The following FAT3 variants were observed in gnomAD, a reference collection of about 807,000 sequenced individuals.
FAT3 encodes the protein protocadherin Fat 3.
A neutral mutation model predicts 310.2 loss-of-function variants in FAT3; 95 were observed. The ratio of observed to expected loss-of-function variants is 0.31; its 90% confidence interval spans 0.26 to 0.36. The LOEUF is 0.36. FAT3 is among the 10% of genes least tolerant of loss of function. The pLI, the probability that FAT3 is intolerant of heterozygous loss-of-function variation, is 1.00. For synonymous variants in FAT3, 2,314 were observed against 2,192.9 expected, an observed-to-expected ratio of 1.06 and a Z score of -1.54; for missense variants, 5,408 against 5,715.6, an observed-to-expected ratio of 0.95 and a Z score of 1.74.
rs1160175911 is a variant in FAT3, at chr11:92,883,384, G to A, written c.12928G>A (p.Gly4310Arg). Residue 4310 changes from glycine to arginine, a missense_variant, in exon 24 of 28, where the codon GGA (glycine) becomes AGA (arginine). Around this residue, in one of 5 missense-constraint regions of FAT3, gnomAD observed 649 missense variants for 666.2 expected, o/e 0.97. Coordinates refer to ENST00000525166, the MANE Select transcript of FAT3 (RefSeq NM_001367949.2). The surrounding 1 kb of genome is among the most constrained non-coding windows in gnomAD (Gnocchi z 4.2). Reference sequence around the variant, plus strand: ...CATCCGGAAGAATGGCTGGGACGCGGGAACTGAGAGTGAGTAGGAAGTGGT... The same window carrying A: ...CATCCGGAAGAATGGCTGGGACGCGAGAACTGAGAGTGAGTAGGAAGTGGT... Reference protein sequence around the residue: ...DSIRKNGWDAGTENKGVDDPG... With the variant: ...DSIRKNGWDARTENKGVDDPG... 1 of 1,600,534 alleles carries A rather than the reference G, an allele frequency of 6.2e-7. No individual in the cohort carries two copies.
At position 92,800,447 on chromosome 11, in the gene FAT3, C is replaced by T; in HGVS notation, c.7434C>T (p.Ser2478=). The change falls in exon 10 of 28, where the codon AGC becomes AGT. Residue 2478 remains serine, a synonymous_variant. Transcript: ENST00000525166. ...NVSVSDGLFT[S]TAQVHIRVLG... Reference sequence around the variant, plus strand: ...CTGTCTCTGATGGGTTGTTCACCAGCACTGCACAGGTGCATATTAGGGTAC... The same window carrying T: ...CTGTCTCTGATGGGTTGTTCACCAGTACTGCACAGGTGCATATTAGGGTAC... The T allele has an allele frequency of 6.2e-7, 1 of 1,614,014 alleles. No homozygotes were observed. Among genetic ancestry groups the T allele is most frequent in the Non-Finnish European group, 8.5e-7 (1 of 1,179,880 alleles).
In FAT3 at chr11:92,806,436, T is replaced by C; in HGVS notation, c.9168T>C (p.Ala3056=). The change falls in exon 12 of 28, where the codon GCT becomes GCC. Residue 3056 remains alanine (A), a synonymous_variant. Coordinates refer to ENST00000525166, the MANE Select transcript of FAT3 (RefSeq NM_001367949.2). ...KIILKVSAKD[A]DIGSNGYIRY... is the part of the protein sequence containing the mutation. ...TCCTGAAAGTCAGTGCAAAGGATGC[T>C]GATATTGGATCCAATGGATATATAC... 6.3e-7 allele frequency: 1 copy of C among 1,584,988 alleles called. No homozygotes were observed. The highest frequency in any genetic ancestry group is 8.6e-7 in the Non-Finnish European group (1 of 1,163,812).
At chr11:92,301,555 G>A (rs1181935408) in intron 1 of FAT3, among the ~76,000 whole-genome samples, 1 of 152,102 alleles carries the variant, frequency 6.6e-6, no homozygotes, top group Non-Finnish European at 1.5e-5. Flanking sequence ...GTTGTCTGGG[G>A]AATGGCAAAT....
intron 2 of FAT3, among the ~76,000 whole-genome samples, chr11:92,465,118 G>A (rs561035732): frequency 8.5e-5 from 13 of 152,100 alleles, no homozygotes; most frequent in Non-Finnish European, 1.8e-4. Context: ...ATTTGCAGCC[G>A]GGGTACAATA....
chr11:92,581,407 A>G (rs890898639), intron 3 of FAT3, among the ~76,000 whole-genome samples: 5 of 151,448 alleles, frequency 3.3e-5, no homozygotes, highest in African/African-American at 1.2e-4. Context: ...TTTTGCTTAC[A>G]CTGGGGTGGT....
chr11:92,498,313 C>A (rs1952827125), intron 2 of FAT3: 1 of 239,090 alleles, frequency 4.2e-6, no homozygotes, highest in Admixed American at 4.1e-5. Flanking sequence ...ACAAAAACAT[C>A]ATGAAGAGGA....
At chr11:92,811,092 G>A (rs1428603838) in intron 13 of FAT3, among the ~76,000 whole-genome samples, 1 of 152,124 alleles carries the variant, frequency 6.6e-6, no homozygotes, top group African/African-American at 2.4e-5. Flanking sequence ...TACCTCATTA[G>A]CATAATTTTC....
intron 1 of FAT3, among the ~76,000 whole-genome samples, chr11:92,239,244 T>G (rs2134247875): frequency 6.6e-6 from 1 of 152,222 alleles, no homozygotes. Flanking sequence ...ATTTATTTTC[T>G]TACTGGATTC....
chr11:92,329,669 G>C (rs1199062189), intron 1 of FAT3, among the ~76,000 whole-genome samples: 3 of 150,450 alleles, frequency 2.0e-5, no homozygotes, highest in Non-Finnish European at 4.4e-5. Context: ...TCCTATCCTT[G>C]TCCCAAATTT....
chr11:92,449,164 A>G (rs1156853089), intron 2 of FAT3, among the ~76,000 whole-genome samples: 1 of 152,070 alleles, frequency 6.6e-6, no homozygotes, highest in East Asian at 1.9e-4. Context: ...AAAAAGCATC[A>G]CTCCTCTCAG....
chr11:92,284,741 G>T (rs1591052926), intron 1 of FAT3, among the ~76,000 whole-genome samples: 1 of 152,128 alleles, frequency 6.6e-6, no homozygotes, highest in African/African-American at 2.4e-5. Flanking sequence ...GCTTCCAACA[G>T]AGTACCTCAC....
At chr11:92,231,255 C>T (rs1864170079) in intron 1 of FAT3, among the ~76,000 whole-genome samples, 1 of 152,108 alleles carries the variant, frequency 6.6e-6, no homozygotes, top group African/African-American at 2.4e-5. Context: ...TCACAGAACA[C>T]CTCAGAGTGT....
Position 92,891,539 on chromosome 11 carries a change from T to C in FAT3, c.*426T>C, listed in dbSNP as rs1367080087. 1.7e-5 allele frequency: 3 copies of C among 177,552 alleles called. No homozygotes were observed. The highest frequency in any genetic ancestry group is 2.5e-5 in the Non-Finnish European group (2 of 81,208). The allele number at this position is 177,552 out of a possible 1,614,324, so 11.0% of individuals were successfully genotyped here. A position where few individuals can be genotyped will look rare whatever the true frequency, so the allele number is the denominator to read the frequency against. On this transcript the variant is annotated 3_prime_UTR_variant, in exon 28 of 28. Transcript: ENST00000525166. ...TAATTTTGAGCCAATGAAATGAAAA[T>C]AGTAGTAATGATTGTTGGAAAAGTT...
chr11:92,684,665 C>A (rs1565511530), intron 3 of FAT3, among the ~76,000 whole-genome samples: 1 of 152,026 alleles, frequency 6.6e-6, no homozygotes, highest in Non-Finnish European at 1.5e-5. Context: ...TTATATTTAT[C>A]CTGTGGATAA....
chr11:92,335,895 A>G (rs1323816948), intron 1 of FAT3: 1 of 257,616 alleles, frequency 3.9e-6, no homozygotes, highest in Non-Finnish European at 7.6e-6. Context: ...ACAAAGTCCA[A>G]AGTTTCAAAA....
chr11:92,446,548 TAA>T (rs544247562), intron 2 of FAT3, among the ~76,000 whole-genome samples: 30 of 143,908 alleles, frequency 2.1e-4, no homozygotes, highest in Non-Finnish European at 4.3e-4. Flanking sequence ...AGCTTCTCAA[TAA>T]AAAAAAAAAA....
chr11:92,686,075 G>A (rs1033401979), intron 3 of FAT3, among the ~76,000 whole-genome samples: 3 of 152,138 alleles, frequency 2.0e-5, no homozygotes, highest in Non-Finnish European at 4.4e-5. Context: ...CATTTTTAAA[G>A]ACTTGCCCAA....
intron 3 of FAT3, among the ~76,000 whole-genome samples, chr11:92,619,120 A>G (rs917588456): frequency 3.9e-5 from 6 of 152,136 alleles, no homozygotes; most frequent in Non-Finnish European, 5.9e-5. Context: ...CTTTTATTCT[A>G]TTGAAATCAT....
Position 92,893,213 on chromosome 11 carries a change from A to G in FAT3, c.*2100A>G, listed in dbSNP as rs1203114997. ...CTTTCTAAGTAAGTGGATACACTAC[A>G]CTTCACAAGTTTTCCAGCCTTTCTC... On this transcript the variant is annotated 3_prime_UTR_variant, in exon 28 of 28. Coordinates refer to ENST00000525166, the MANE Select transcript of FAT3 (RefSeq NM_001367949.2). The G allele has an allele frequency of 6.6e-6, 1 of 152,176 alleles. No homozygotes were observed. Among genetic ancestry groups the G allele is most frequent in the Non-Finnish European group, 1.5e-5 (1 of 68,046 alleles). 9.4% of individuals were successfully genotyped at this position (152,176 alleles called of 1,614,324 possible).
Sources: allele counts gnomAD v4.1 joint callset (sites outside exome capture counted in the v4.1 genomes callset), GRCh38; gene constraint gnomAD v4.1.1; regional missense constraint gnomAD v4.1.1; non-coding constraint Gnocchi (gnomAD v3.1); transcripts MANE v1.5; gene names NCBI Gene and HGNC (gene_info 2026-07-23, HGNC 2026-07-21).